CWC22: variants seen among roughly 807,000 people sequenced by gnomAD.
The protein encoded by CWC22 is pre-mRNA-splicing factor CWC22 homolog.
Under a neutral mutation model 117.2 loss-of-function variants are expected in CWC22, and 53 were observed. The observed-to-expected ratio is 0.45, with a 90% CI of 0.36 to 0.57. The LOEUF is 0.57. Among genes scored for constraint, CWC22 ranks in the 20% least tolerant of loss-of-function variants. The pLI is 0.00. For missense variants in CWC22, 980 were observed against 1,068.8 expected (o/e 0.92, Z 1.16); for synonymous variants, 360 against 355.6 (o/e 1.01, Z -0.14).
chr2:179,951,774 AGT>A (rs1686455158), intron 17 of CWC22, among the ~76,000 whole-genome samples: 1 of 152,132 alleles, frequency 6.6e-6, no homozygotes, highest in Non-Finnish European at 1.5e-5. Flanking sequence ...GTCCAGAGAC[AGT>A]GTGTGGAACC....
chr2:179,968,028 A>AT (rs1686935909), intron 11 of CWC22, among the ~76,000 whole-genome samples: 1 of 152,142 alleles, frequency 6.6e-6, no homozygotes, highest in African/African-American at 2.4e-5. Context: ...CGACACTTAG[A>AT]TTTTTTTGGA....
Position 179,970,818 on chromosome 2 carries a change from C to T in CWC22, c.979G>A (p.Glu327Lys). Reference sequence around the variant, plus strand: ...ATATATTGAACTCTTTTGTCAATTTCAGACTCATGCAGAATGTTTCGAAGG... The same window carrying T: ...ATATATTGAACTCTTTTGTCAATTTTAGACTCATGCAGAATGTTTCGAAGG... ...ERLRNILHES[E>K]IDKRVQYMIE... Residue 327 changes from glutamate (E) to lysine (K), a missense_variant, in exon 10 of 20, where the codon GAA (glutamate) becomes AAA (lysine). Physicochemically the swap from Glu to Lys is moderately conservative, Grantham distance 56 (BLOSUM62 1). This residue lies in a region of CWC22 where 559 missense variants were observed against 602.3 expected (regional missense o/e 0.93). Coordinates refer to ENST00000410053, the MANE Select transcript of CWC22 (RefSeq NM_020943.3). 1 of 1,613,694 alleles carries T rather than the reference C, an allele frequency of 6.2e-7. No homozygotes were observed. The highest frequency in any genetic ancestry group is 2.2e-5 in the East Asian group (1 of 44,856).
At chr2:179,972,538 T>C (rs549243777) in intron 8 of CWC22, among the ~76,000 whole-genome samples, 41 of 152,288 alleles carry the variant, frequency 2.7e-4, no homozygotes, top group African/African-American at 9.9e-4. Context: ...TATTAGATTC[T>C]CATGAACAGC....
At chr2:179,954,575 C>T (rs906906893) in intron 15 of CWC22, among the ~76,000 whole-genome samples, 15 of 151,984 alleles carry the variant, frequency 9.9e-5, no homozygotes, top group African/African-American at 3.1e-4. Flanking sequence ...CAAAATCATA[C>T]ATGTAGGTGA....
intron 1 of CWC22, among the ~76,000 whole-genome samples, chr2:180,000,304 C>T (rs1308494684): frequency 6.6e-6 from 1 of 152,202 alleles, no homozygotes. Flanking sequence ...AATCCTTTAT[C>T]TGCAGTTCTA....
intron 14 of CWC22, among the ~76,000 whole-genome samples, chr2:179,958,671 G>A (rs1000760150): frequency 6.6e-6 from 1 of 151,970 alleles, no homozygotes; most frequent in Non-Finnish European, 1.5e-5. Flanking sequence ...TACCCCTGCA[G>A]TGCATCCAGA....
At chr2:180,001,340 T>C (rs1687845286) in intron 1 of CWC22, among the ~76,000 whole-genome samples, 1 of 151,932 alleles carries the variant, frequency 6.6e-6, no homozygotes, top group Non-Finnish European at 1.5e-5. Flanking sequence ...CTTTTTTTTT[T>C]TTCTTGAGAC....
chr2:179,946,509 T>C (rs541702982), intron 19 of CWC22, among the ~76,000 whole-genome samples: 256 of 144,654 alleles, frequency 1.8e-3, no homozygotes, highest in African/African-American at 6.1e-3. Context: ...GAATATATAA[T>C]ATCTCAACAT....
Position 179,965,872 on chromosome 2 carries a change from G to A in CWC22, c.1315+6C>T, listed in dbSNP as rs754701492. ...ATAATATTATTTGAATATGCTACAT[G>A]TTTACCTTCTTCATCTTCTTCTCCC... On this transcript the variant is annotated splice_donor_region_variant and intron_variant, in intron 12 of 19. Transcript: ENST00000410053. The A allele has an allele frequency of 1.3e-5, 19 of 1,445,134 alleles. No individual in the cohort carries two copies. In the South Asian group the frequency reaches 2.2e-4, roughly 17 times the overall value. The allele number at this position is 1,445,134 out of a possible 1,614,324, so 89.5% of individuals were successfully genotyped here. A position where few individuals can be genotyped will look rare whatever the true frequency, so the allele number is the denominator to read the frequency against.
chr2:179,963,986 A>G (rs1300097520), intron 13 of CWC22, among the ~76,000 whole-genome samples: 1 of 152,178 alleles, frequency 6.6e-6, no homozygotes, highest in Admixed American at 6.5e-5. Context: ...AACCAAATTC[A>G]CATCCTTCAA....
In CWC22 at chr2:179,945,148, G is replaced by T; in HGVS notation, c.2708C>A (p.Ser903Tyr). 6.3e-7 allele frequency: 1 copy of T among 1,598,122 alleles called. No individual in the cohort carries two copies. The stretch of plus-strand genomic sequence containing the variant: ...GTAGAATTATTTTTGTTTTGCTGGA[G>T]ACTTTTCTCTTCGCCGGTCCTGATT... ...KKNQDRRREK[S>Y]PAKQK The change falls in exon 20 of 20, where the codon TCT becomes TAT. Residue 903 changes from serine (S) to tyrosine (Y), a missense_variant. Coordinates refer to ENST00000410053, the MANE Select transcript of CWC22 (RefSeq NM_020943.3).
intron 13 of CWC22, 21 bp from the exon 14 acceptor site, chr2:179,959,103 G>C: frequency 6.6e-7 from 1 of 1,506,748 alleles, no homozygotes; most frequent in Non-Finnish European, 9.1e-7. Flanking sequence ...GATCACAATA[G>C]GTTAAAAGCT....
In CWC22 at chr2:179,973,626, AT is replaced by A; in HGVS notation, c.750+7del. Reference sequence around the variant, plus strand: ...GTATCATTCTACTTACAAGCCATTCATATATACCTTGTCATTTCTTCGATAG... The same window carrying A: ...GTATCATTCTACTTACAAGCCATTCAATATACCTTGTCATTTCTTCGATAG... On this transcript the variant is annotated splice_region_variant and intron_variant, in intron 7 of 19. Transcript: ENST00000410053. The A allele has an allele frequency of 6.4e-7, 1 of 1,551,614 alleles. No individual in the cohort carries two copies. The highest frequency in any genetic ancestry group is 8.8e-7 in the Non-Finnish European group (1 of 1,135,852).
At chr2:179,960,337 C>T (rs1686719719) in intron 13 of CWC22, among the ~76,000 whole-genome samples, 1 of 151,822 alleles carries the variant, frequency 6.6e-6, no homozygotes, top group Non-Finnish European at 1.5e-5. Context: ...TTCTGTTCTA[C>T]AATTAGTTGT....
chr2:180,000,388 A>G (rs1213870769), intron 1 of CWC22, among the ~76,000 whole-genome samples: 1 of 152,228 alleles, frequency 6.6e-6, no homozygotes, highest in Non-Finnish European at 1.5e-5. Flanking sequence ...AAAACTTAGC[A>G]TATACTGACT....
chr2:179,950,771 A>G lies in CWC22; in HGVS notation c.1920-39T>C, dbSNP rs1686426686. The G allele has an allele frequency of 1.9e-6, 3 of 1,599,906 alleles. No homozygotes were observed. The Admixed American group carries it at 5.0e-5, about 27-fold the overall frequency. On this transcript the variant is annotated intron_variant, in intron 18 of 19. Transcript: ENST00000410053. Reference sequence around the variant, plus strand: ...TAATCTGTTAGATTCTATTTCAAAGACAATTATGAGATAATTTTATAATCT... The same window carrying G: ...TAATCTGTTAGATTCTATTTCAAAGGCAATTATGAGATAATTTTATAATCT...
chr2:179,946,576 T>C (rs1349361692), intron 19 of CWC22, among the ~76,000 whole-genome samples: 1 of 151,966 alleles, frequency 6.6e-6, no homozygotes, highest in Non-Finnish European at 1.5e-5. Context: ...AGAAATTTTA[T>C]AGCAAATGTA....
chr2:179,974,749 CT>C (rs34052934), intron 6 of CWC22, among the ~76,000 whole-genome samples: 1 of 151,994 alleles, frequency 6.6e-6, no homozygotes, highest in African/African-American at 2.4e-5. Context: ...ATACCCCCAC[CT>C]TTTTTGGAGA....
At chr2:179,988,940 G>A (rs2048747) in intron 2 of CWC22, among the ~76,000 whole-genome samples, 92,922 of 150,260 alleles carry the variant, frequency 0.62, 29,526 homozygotes, top group Middle Eastern at 0.71. Flanking sequence ...TATTTCAATA[G>A]TTTTATGTGG....
Sources: allele counts gnomAD v4.1 joint callset (sites outside exome capture counted in the v4.1 genomes callset), GRCh38; gene constraint gnomAD v4.1.1; regional missense constraint gnomAD v4.1.1; transcripts MANE v1.5; gene names NCBI Gene and HGNC (gene_info 2026-07-23, HGNC 2026-07-21).